The following MROH2B variants were observed in gnomAD, a reference collection of about 807,000 sequenced individuals.
The protein encoded by MROH2B is maestro heat like repeat family member 2B.
Under a neutral mutation model 208.6 loss-of-function variants are expected in MROH2B, and 177 were observed. The observed-to-expected ratio is 0.85, with a 90% confidence interval of 0.75 to 0.96. MROH2B has a LOEUF of 0.96. Among genes scored for constraint, MROH2B ranks in the 40% least tolerant of loss-of-function variants. MROH2B has a pLI of 0.00. For missense variants in MROH2B, 2,002 were observed against 1,878.7 expected, an observed-to-expected ratio of 1.07 and a Z score of -1.21; for synonymous variants, 728 against 659.0, an observed-to-expected ratio of 1.10 and a Z score of -1.60.
rs1469758978 is a variant in MROH2B, at chr5:41,010,061, T to C, written c.3154A>G (p.Thr1052Ala). ...AGGACTGGCATGTGATGGTAGATTG[T>C]GCCTAAGATCTCCAATAGCTAAAGA... ...LEDQLLEILG[T>A]IYHHMPVLRQ... Residue 1052 changes from threonine to alanine, a missense_variant, in exon 31 of 42, where the codon ACA (threonine) becomes GCA (alanine). Transcript: ENST00000399564. 6.2e-7 allele frequency: 1 copy of C among 1,613,398 alleles called. No homozygotes were observed. The highest frequency in any genetic ancestry group is 1.7e-5 in the Admixed American group (1 of 59,862).
chr5:40,998,777 G>A (rs528534344), intron 40 of MROH2B, 100 bp from the exon 41 acceptor site: 2 of 962,726 alleles, frequency 2.1e-6, no homozygotes, highest in African/African-American at 3.3e-5. Flanking sequence ...AAGGTAAATG[G>A]TAGGCTGGTG....
Position 41,068,436 on chromosome 5 carries a change from C to G in MROH2B, c.91-1218G>C, listed in dbSNP as rs1343639760. Among the ~76,000 whole-genome samples the G allele has an allele frequency of 2.0e-5, 3 of 152,090 alleles. No homozygotes were observed. In the South Asian group the frequency reaches 6.2e-4, roughly 32 times the overall value. ...CATTATCTGGAGCATTTTATTAACG[C>G]TCACAAGTCCCTGTCTTAGGTACCA... On this transcript the variant is annotated intron_variant, in intron 2 of 41. Transcript: ENST00000399564.
At chr5:41,063,048 T>C (rs1002914058) in intron 5 of MROH2B, among the ~76,000 whole-genome samples, 1 of 152,234 alleles carries the variant, frequency 6.6e-6, no homozygotes, top group Non-Finnish European at 1.5e-5. Flanking sequence ...TTACATTTGA[T>C]ACCTTTTCTT....
chr5:41,017,219 G>C (rs1357602607), intron 28 of MROH2B, among the ~76,000 whole-genome samples: 1 of 152,176 alleles, frequency 6.6e-6, no homozygotes, highest in African/African-American at 2.4e-5. Context: ...CCTGGACAGG[G>C]AGCCCTGATT....
intron 34 of MROH2B, among the ~76,000 whole-genome samples, chr5:41,006,231 A>C (rs1336960758): frequency 6.6e-6 from 1 of 152,160 alleles, no homozygotes; most frequent in Non-Finnish European, 1.5e-5. Context: ...AACATATGGA[A>C]AAATGCTTAA....
chr5:41,033,061 T>C lies in MROH2B; in HGVS notation c.2341A>G (p.Met781Val), dbSNP rs10067611. ...CTCACCAGCATGTAACCAATCAGCATCTCCTTGTAGGAAAACTGGAACCCC... is the reference window on the plus strand; with the variant it reads ...CTCACCAGCATGTAACCAATCAGCACCTCCTTGTAGGAAAACTGGAACCCC... Reference protein sequence around the residue: ...DQGFQFSYKEMLIGYMLDFIR... With the variant: ...DQGFQFSYKEVLIGYMLDFIR... The change falls in exon 23 of 42, where the codon ATG (methionine) becomes GTG (valine). Residue 781 changes from methionine to valine, a missense_variant. Transcript: ENST00000399564. 47,202 of 1,612,898 alleles carry C rather than the reference T, an allele frequency of 0.029. 758 individuals carry two copies. The highest frequency in any genetic ancestry group is 0.045 in the East Asian group (2,035 of 44,860).
intron 17 of MROH2B, among the ~76,000 whole-genome samples, chr5:41,046,741 C>T (rs926014919): frequency 1.2e-4 from 18 of 151,936 alleles, no homozygotes; most frequent in Admixed American, 9.2e-4. Flanking sequence ...TATTTTTCTC[C>T]CTAGTAAAGA....
chr5:41,018,542 A>G (rs1742031979), intron 26 of MROH2B, 112 bp from the exon 27 acceptor site: 1 of 1,444,106 alleles, frequency 6.9e-7, no homozygotes, highest in East Asian at 2.4e-5. Flanking sequence ...ACCTCCCCAC[A>G]AACAATTTTT....
intron 37 of MROH2B, among the ~76,000 whole-genome samples, chr5:41,003,464 T>A (rs1741471017): frequency 6.6e-6 from 1 of 152,018 alleles, no homozygotes; most frequent in East Asian, 1.9e-4. Flanking sequence ...TTAAAAAAAA[T>A]AATGGAGCAA....
At chr5:41,053,187 A>G (rs1743338902) in intron 11 of MROH2B, among the ~76,000 whole-genome samples, 1 of 152,210 alleles carries the variant, frequency 6.6e-6, no homozygotes. Context: ...TCAGAGTCCA[A>G]ACAACTATGA....
intron 24 of MROH2B, among the ~76,000 whole-genome samples, chr5:41,025,712 G>T (rs939698854): frequency 1.3e-5 from 2 of 151,996 alleles, no homozygotes; most frequent in African/African-American, 4.8e-5. Flanking sequence ...TGATACCAAA[G>T]CCTGGCAGAG....
At chr5:41,016,165 T>C (rs1439137619) in intron 28 of MROH2B, among the ~76,000 whole-genome samples, 1 of 152,162 alleles carries the variant, frequency 6.6e-6, no homozygotes, top group Non-Finnish European at 1.5e-5. Flanking sequence ...TGAAAACTTC[T>C]TAATTTCAGA....
chr5:41,013,124 A>C (rs574259844), intron 29 of MROH2B, among the ~76,000 whole-genome samples: 289 of 152,356 alleles, frequency 1.9e-3, no homozygotes, highest in Non-Finnish European at 3.3e-3. Context: ...AATCTGCCAC[A>C]TAATACCTAA....
chr5:41,006,212 T>C lies in MROH2B; in HGVS notation c.3750-567A>G, dbSNP rs537489593. 3.3e-5 allele frequency among the ~76,000 whole-genome samples: 5 copies of C among 151,996 alleles called. No homozygotes were observed. The South Asian group carries it at 1.0e-3, about 32-fold the overall frequency. Reference sequence around the variant, plus strand: ...TAATTCTCAAAAGAAGATATACAAATGGCCAACAAACATATGGAAAAATGC... The same window carrying C: ...TAATTCTCAAAAGAAGATATACAAACGGCCAACAAACATATGGAAAAATGC... On this transcript the variant is annotated intron_variant, in intron 34 of 41. Transcript: ENST00000399564.
chr5:41,068,868 A>G (rs1743890048), intron 2 of MROH2B, among the ~76,000 whole-genome samples: 2 of 152,302 alleles, frequency 1.3e-5, no homozygotes, highest in Non-Finnish European at 1.5e-5. Context: ...GACTGATCCA[A>G]TCAGAATCCC....
In MROH2B at chr5:40,999,712, C is replaced by G; in HGVS notation, c.4550G>C (p.Trp1517Ser). 1.2e-6 allele frequency: 2 copies of G among 1,613,594 alleles called. No homozygotes were observed. Among genetic ancestry groups the G allele is most frequent in the Non-Finnish European group, 1.7e-6 (2 of 1,179,612 alleles). ...GACAGCTGCACTCCTGATCACCTCC[C>G]AGGTGCTGGTGAAGAAGGTGAAGGA... ...THSFTFFTST[W>S]EVIRSAAVKL... is the part of the protein sequence containing the mutation. Residue 1517 changes from tryptophan to serine, a missense_variant, in exon 40 of 42, where the codon TGG becomes TCG. Physicochemically the swap from Trp to Ser is radical, Grantham distance 177. Transcript: ENST00000399564.
At position 41,053,544 on chromosome 5, in the gene MROH2B, A is replaced by G. The variant is rs1281130241; in HGVS notation, c.1108-957T>C. Among the ~76,000 whole-genome samples, 14 of 152,314 alleles carry G rather than the reference A, an allele frequency of 9.2e-5. No individual in the cohort carries two copies. The East Asian group carries it at 2.7e-3, about 29-fold the overall frequency. On this transcript the variant is annotated intron_variant, in intron 11 of 41. Coordinates refer to ENST00000399564, the MANE Select transcript of MROH2B (RefSeq NM_173489.5). ...AATCCCTTAGTGAACAGGTCTTTGA[A>G]AAGAGAGCGGGAAGAAAAAAACCAT... is the stretch of plus-strand genomic sequence containing the variant.
rs17198125 is a variant in MROH2B, at chr5:41,049,378, T to A, written c.1403A>T (p.Glu468Val). The A allele has an allele frequency of 0.04, 63,786 of 1,613,674 alleles. 1,496 individuals are homozygous for A. Among genetic ancestry groups the A allele is most frequent in the African/African-American group, 0.08 (5,965 of 75,018 alleles). The change falls in exon 14 of 42, where the codon GAG (glutamate) becomes GTG (valine). Residue 468 changes from glutamate (E) to valine (V), a missense_variant. Coordinates refer to ENST00000399564, the MANE Select transcript of MROH2B (RefSeq NM_173489.5). Reference sequence around the variant, plus strand: ...AATTCTGATGATACTAAACAGGGGCTCCAGAGCTTCTGTGTATTCTGCAGG... The same window carrying A: ...AATTCTGATGATACTAAACAGGGGCACCAGAGCTTCTGTGTATTCTGCAGG... ...VVPAEYTEALEPLFSIIRILI... is the reference protein window; with the variant it reads ...VVPAEYTEALVPLFSIIRILI...
chr5:41,005,549 G>T lies in MROH2B; in HGVS notation c.3846C>A (p.Gly1282=). ...TSSSENYRIT[G]AAFFSELMKE... ...CCCTTGCCTCAGAGAAGAAAGCTGCGCCGGTTATCCGGTAGTTCTCCGAGG... is the reference window on the plus strand; with the variant it reads ...CCCTTGCCTCAGAGAAGAAAGCTGCTCCGGTTATCCGGTAGTTCTCCGAGG... Residue 1282 remains glycine, a synonymous_variant, in exon 35 of 42, where the codon GGC becomes GGA. Transcript: ENST00000399564. 1 of 1,604,896 alleles carries T rather than the reference G, an allele frequency of 6.2e-7. No homozygotes were observed. The highest frequency in any genetic ancestry group is 8.5e-7 in the Non-Finnish European group (1 of 1,175,744).
Sources: gnomAD v4.1 joint callset for allele counts (sites outside exome capture counted in the v4.1 genomes callset) on GRCh38, gnomAD v4.1.1 for gene constraint, MANE v1.5 for transcripts, NCBI Gene and HGNC (gene_info 2026-07-23, HGNC 2026-07-21) for gene names.